Variants in RASA3 observed in about 807,000 individuals in gnomAD.
RASA3 encodes RAS p21 protein activator 3, also known as ras GTPase-activating protein 3.
Under a neutral mutation model 110.0 loss-of-function variants are expected in RASA3, and 73 were observed. The observed-to-expected ratio is 0.66, with a 90% CI of 0.55 to 0.81. The LOEUF is 0.81. Among genes scored for constraint, RASA3 ranks in the 30% least tolerant of loss-of-function variants. The pLI, the probability that RASA3 is intolerant of heterozygous loss-of-function variation, is 0.00. For synonymous variants in RASA3, 500 were observed against 451.4 expected, an observed-to-expected ratio of 1.11 and a Z score of -1.37; for missense variants, 976 against 1,113.2, an observed-to-expected ratio of 0.88 and a Z score of 1.75.
At position 114,112,501 on chromosome 13, in the gene RASA3, C is replaced by A. The variant is rs983989904; in HGVS notation, c.55+19934G>T. On this transcript the variant is annotated intron_variant, in intron 1 of 23. Coordinates refer to ENST00000334062, the MANE Select transcript of RASA3 (RefSeq NM_007368.4). This position sits in a 1 kb window ranked among gnomAD's most constrained non-coding sequence, Gnocchi z 4.8. ...GCCGGACGGGAACTCTCTGCAGGGC[C>A]GGTGGAAAGAGATCGCCAGCCCCAG... Among the ~76,000 whole-genome samples, 1 of 152,170 alleles carries A rather than the reference C, an allele frequency of 6.6e-6. No homozygotes were observed. The highest frequency in any genetic ancestry group is 2.4e-5 in the African/African-American group (1 of 41,438).
chr13:114,102,726 A>C (rs1295808836), intron 1 of RASA3, among the ~76,000 whole-genome samples: 1 of 151,952 alleles, frequency 6.6e-6, no homozygotes, highest in Non-Finnish European at 1.5e-5. Context: ...TGCCTCACCT[A>C]CCCCCAGGGC....
rs1461520620 is a variant in RASA3, at chr13:114,011,641, G to C, written c.1513-393C>G. Among the ~76,000 whole-genome samples, 1 of 152,164 alleles carries C rather than the reference G, an allele frequency of 6.6e-6. No homozygotes were observed. Among genetic ancestry groups the C allele is most frequent in the East Asian group, 1.9e-4 (1 of 5,196 alleles). On this transcript the variant is annotated intron_variant, in intron 15 of 23. Transcript: ENST00000334062. The surrounding 1 kb of genome is among the most constrained non-coding windows in gnomAD (Gnocchi z 4.8). The stretch of plus-strand genomic sequence containing the variant: ...GAAGGTTCAACTCAGAAGTGCTGGG[G>C]GCCGGGCTTGGTGGCTCACGCCTGT...
At chr13:114,012,459 C>T (rs77504636) in intron 15 of RASA3, among the ~76,000 whole-genome samples, 4,184 of 140,056 alleles carry the variant, frequency 0.03, 224 homozygotes, top group African/African-American at 0.11. Flanking sequence ...CCCCATGCAC[C>T]GTCCACACAC....
At chr13:114,097,512 A>G (rs1337023873) in intron 1 of RASA3, among the ~76,000 whole-genome samples, 1 of 152,226 alleles carries the variant, frequency 6.6e-6, no homozygotes, top group Non-Finnish European at 1.5e-5. Context: ...GGCGTTTCTC[A>G]AAGAAAGGCA....
intron 7 of RASA3, among the ~76,000 whole-genome samples, chr13:114,026,952 C>T (rs1164188792): frequency 6.6e-6 from 1 of 152,246 alleles, no homozygotes; most frequent in Non-Finnish European, 1.5e-5. Flanking sequence ...CCCTTTGTTT[C>T]AAAACCCTGC....
At chr13:114,081,504 AAAT>A (rs2079787650) in intron 1 of RASA3, among the ~76,000 whole-genome samples, 1 of 152,226 alleles carries the variant, frequency 6.6e-6, no homozygotes, top group African/African-American at 2.4e-5. Flanking sequence ...CCGCTGGGGA[AAAT>A]ACTTCAAGTC....
chr13:114,108,974 T>A (rs937911753), intron 1 of RASA3, among the ~76,000 whole-genome samples: 9 of 152,204 alleles, frequency 5.9e-5, no homozygotes, highest in South Asian at 4.1e-4. Context: ...CGGCGGACGG[T>A]GGCAGGGCAG....
chr13:114,092,714 G>C (rs776116349), intron 1 of RASA3, among the ~76,000 whole-genome samples: 5 of 152,148 alleles, frequency 3.3e-5, no homozygotes, highest in Non-Finnish European at 7.4e-5. Flanking sequence ...AATGCTTCTT[G>C]TTGATTTTTC....
At position 113,979,129 on chromosome 13, in the gene RASA3, G is replaced by GACGAC; in HGVS notation, c.*213_*217dup. 1 of 574,340 alleles carries GACGAC rather than the reference G, an allele frequency of 1.7e-6. No homozygotes were observed. Among genetic ancestry groups the GACGAC allele is most frequent in the Non-Finnish European group, 3.1e-6 (1 of 320,848 alleles). 35.6% of individuals were successfully genotyped at this position (574,340 alleles called of 1,614,324 possible). On this transcript the variant is annotated 3_prime_UTR_variant, in exon 24 of 24. Transcript: ENST00000334062. ...AGGAGCAAAAAGCACAGAATCAAAT[G>GACGAC]ACGACACGTTCCACAGGGCCAGGTG...
chr13:114,016,999 T>C (rs562729164), intron 12 of RASA3, among the ~76,000 whole-genome samples: 3 of 152,308 alleles, frequency 2.0e-5, no homozygotes, highest in Admixed American at 6.5e-5. Flanking sequence ...TGTTCTCCTT[T>C]GTGGAGTGGT....
intron 2 of RASA3, among the ~76,000 whole-genome samples, chr13:114,052,887 G>GCCCAGCCGCCCT (rs2079172143): frequency 7.3e-6 from 1 of 137,568 alleles, no homozygotes; most frequent in African/African-American, 2.7e-5. Flanking sequence ...GCTGCTGACT[G>GCCCAGCCGCCCT]TGCTTAGAGT....
At chr13:114,061,029 G>A (rs1057474085) in intron 2 of RASA3, among the ~76,000 whole-genome samples, 20 of 150,604 alleles carry the variant, frequency 1.3e-4, no homozygotes, top group Admixed American at 5.3e-4. Context: ...CCCCACAGCC[G>A]GCAGATGGAG....
chr13:114,011,353 G>A lies in RASA3; in HGVS notation c.1513-105C>T. On this transcript the variant is annotated intron_variant, in intron 15 of 23. Coordinates refer to ENST00000334062, the MANE Select transcript of RASA3 (RefSeq NM_007368.4). The surrounding 1 kb of genome is among the most constrained non-coding windows in gnomAD (Gnocchi z 4.8). The stretch of plus-strand genomic sequence containing the variant: ...CAGGAGTCACCTCAGAGCTGCTGTG[G>A]CTTGTGCATGAGCTACGGAGAAACA... 2.0e-6 allele frequency: 2 copies of A among 993,284 alleles called. No individual in the cohort carries two copies. Among genetic ancestry groups the A allele is most frequent in the South Asian group, 2.7e-5 (2 of 73,254 alleles). 61.5% of individuals were successfully genotyped at this position (993,284 alleles called of 1,614,324 possible). A position where few individuals can be genotyped will look rare whatever the true frequency, so the allele number is the denominator to read the frequency against.
chr13:114,116,525 ACCCTT>A, intron 1 of RASA3, among the ~76,000 whole-genome samples: 1 of 152,012 alleles, frequency 6.6e-6, no homozygotes, highest in African/African-American at 2.4e-5. Flanking sequence ...CGGCACACGA[ACCCTT>A]AGAAGAGGCA....
intron 3 of RASA3, among the ~76,000 whole-genome samples, chr13:114,042,717 A>G (rs1374540415): frequency 6.6e-6 from 1 of 152,194 alleles, no homozygotes; most frequent in Non-Finnish European, 1.5e-5. Context: ...CGTGTCTCAA[A>G]AAACTTCCGC....
At chr13:114,001,427 ACGGCCGCGGGCTCGGGGT>A (rs2053395672) in intron 18 of RASA3, among the ~76,000 whole-genome samples, 1 of 71,048 alleles carries the variant, frequency 1.4e-5, no homozygotes, top group Non-Finnish European at 3.3e-5. Flanking sequence ...CAGAGGACCT[ACGGCCGCGGGCTCGGGGT>A]CAGGGTGGGC....
At chr13:114,050,973 G>A (rs1291513769) in intron 3 of RASA3, among the ~76,000 whole-genome samples, 5 of 152,234 alleles carry the variant, frequency 3.3e-5, no homozygotes, top group African/African-American at 1.2e-4. Context: ...GGACACAGGT[G>A]AGCGCTGGGG....
At chr13:113,991,131 T>C (rs1335397209) in intron 22 of RASA3, among the ~76,000 whole-genome samples, 1 of 104,422 alleles carries the variant, frequency 9.6e-6, no homozygotes, top group Non-Finnish European at 1.9e-5. Flanking sequence ...CCAGGGCATG[T>C]GGGGCTGGAG....
intron 17 of RASA3, 68 bp downstream of exon 17, chr13:114,009,319 A>G (rs1451908580): frequency 2.2e-5 from 29 of 1,309,864 alleles, no homozygotes; most frequent in Non-Finnish European, 3.2e-5. Flanking sequence ...GTTCTATCTC[A>G]ATTTTAAAAG....
Sources: gnomAD v4.1 joint callset for allele counts (sites outside exome capture counted in the v4.1 genomes callset) on GRCh38, gnomAD v4.1.1 for gene constraint, Gnocchi (gnomAD v3.1) non-coding constraint, MANE v1.5 for transcripts, NCBI Gene and HGNC (gene_info 2026-07-23, HGNC 2026-07-21) for gene names.